B3GALT1: variants seen among roughly 807,000 people sequenced by gnomAD.
B3GALT1 encodes UDP-Gal:betaGlcNAc beta 1,3-galactosyltransferase, polypeptide 1.
A neutral mutation model predicts 23.2 loss-of-function variants in B3GALT1; 10 were observed. The observed-to-expected ratio is 0.43, with a 90% CI of 0.27 to 0.73. The LOEUF (loss-of-function observed/expected upper bound fraction) is 0.73, where lower values mean the gene tolerates loss of function less well. Among genes scored for constraint, B3GALT1 ranks in the 30% least tolerant of loss-of-function variants. B3GALT1 has a pLI of 0.21. For synonymous variants in B3GALT1, 156 were observed against 141.5 expected, an observed-to-expected ratio of 1.10 and a Z score of -0.73; for missense variants, 299 against 405.4, an observed-to-expected ratio of 0.74 and a Z score of 2.25.
At chr2:167,756,959 G>T (rs1240946778) in intron 3 of B3GALT1, among the ~76,000 whole-genome samples, 1 of 152,038 alleles carries the variant, frequency 6.6e-6, no homozygotes. Flanking sequence ...AATAGAGGGG[G>T]TTCTCAAGTC....
At chr2:167,618,906 G>A (rs1305267900) in intron 2 of B3GALT1, among the ~76,000 whole-genome samples, 2 of 151,690 alleles carry the variant, frequency 1.3e-5, no homozygotes, top group East Asian at 3.9e-4. Flanking sequence ...ATCATTTGAT[G>A]TAAGATTTTT....
intron 2 of B3GALT1, among the ~76,000 whole-genome samples, chr2:167,508,524 C>A (rs1243213030): frequency 6.6e-6 from 1 of 152,116 alleles, no homozygotes; most frequent in Non-Finnish European, 1.5e-5. Flanking sequence ...TCCCAAAGTG[C>A]TGGGATTACA....
At chr2:167,666,517 G>T (rs1311304300) in intron 3 of B3GALT1, among the ~76,000 whole-genome samples, 1 of 151,374 alleles carries the variant, frequency 6.6e-6, no homozygotes, top group Non-Finnish European at 1.5e-5. Flanking sequence ...TTGACTTTCT[G>T]TCTTGTTGAT....
intron 2 of B3GALT1, among the ~76,000 whole-genome samples, chr2:167,522,292 A>G (rs1448721170): frequency 1.3e-5 from 2 of 151,872 alleles, no homozygotes; most frequent in African/African-American, 4.8e-5. Flanking sequence ...AATATACAAA[A>G]TCTTCTCCAG....
intron 1 of B3GALT1, among the ~76,000 whole-genome samples, chr2:167,458,800 T>C (rs559394608): frequency 6.6e-6 from 1 of 151,180 alleles, no homozygotes; most frequent in African/African-American, 2.4e-5. Context: ...TTAAACCAGA[T>C]TTTTTTGTTG....
At chr2:167,307,922 C>T (rs1696574162) in intron 1 of B3GALT1, among the ~76,000 whole-genome samples, 1 of 151,856 alleles carries the variant, frequency 6.6e-6, no homozygotes, top group Non-Finnish European at 1.5e-5. Context: ...TTTTATTGTT[C>T]AATGTTGAGT....
chr2:167,805,807 G>T (rs1688740082), intron 3 of B3GALT1, among the ~76,000 whole-genome samples: 1 of 152,152 alleles, frequency 6.6e-6, no homozygotes, highest in African/African-American at 2.4e-5. Context: ...ACTTGGCAAT[G>T]CAGGCTCTTT....
At chr2:167,540,293 T>C (rs1485226205) in intron 2 of B3GALT1, among the ~76,000 whole-genome samples, 1 of 152,166 alleles carries the variant, frequency 6.6e-6, no homozygotes, top group Non-Finnish European at 1.5e-5. Flanking sequence ...GCCCTGCTAT[T>C]CAGAAAGTGG....
At chr2:167,700,092 T>A (rs1489067430) in intron 3 of B3GALT1, among the ~76,000 whole-genome samples, 2 of 152,174 alleles carry the variant, frequency 1.3e-5, no homozygotes, top group Non-Finnish European at 2.9e-5. Context: ...TACCAAAAAA[T>A]TTTAAAAATT....
Position 167,872,512 on chromosome 2 carries a change from G to C in B3GALT1, c.*2492G>C, listed in dbSNP as rs1420687189. 1 of 152,224 alleles carries C rather than the reference G, an allele frequency of 6.6e-6. No individual in the cohort carries two copies. Among genetic ancestry groups the C allele is most frequent in the Non-Finnish European group, 1.5e-5 (1 of 68,054 alleles). 9.4% of individuals were successfully genotyped at this position (152,224 alleles called of 1,614,324 possible). A position where few individuals can be genotyped will look rare whatever the true frequency, so the allele number is the denominator to read the frequency against. Reference sequence around the variant, plus strand: ...GCTGTGAGTTCCAATCACTGGGAAAGTCTCACGACTTCTTACTTGGTTTAC... The same window carrying C: ...GCTGTGAGTTCCAATCACTGGGAAACTCTCACGACTTCTTACTTGGTTTAC... On this transcript the variant is annotated 3_prime_UTR_variant, in exon 5 of 5. Transcript: ENST00000392690.
intron 2 of B3GALT1, among the ~76,000 whole-genome samples, chr2:167,560,001 A>T (rs532801044): frequency 4.8e-4 from 73 of 152,002 alleles, no homozygotes; most frequent in African/African-American, 1.3e-3. Flanking sequence ...GACACATAAT[A>T]GTCAGATTCA....
chr2:167,349,191 T>C (rs1301188807), intron 1 of B3GALT1, among the ~76,000 whole-genome samples: 1 of 152,296 alleles, frequency 6.6e-6, no homozygotes. Flanking sequence ...AATAAACTGT[T>C]CCTAAGTTTT....
intron 1 of B3GALT1, among the ~76,000 whole-genome samples, chr2:167,403,031 T>C (rs1199318027): frequency 6.6e-6 from 1 of 151,784 alleles, no homozygotes; most frequent in African/African-American, 2.4e-5. Flanking sequence ...TGTTTGTTTA[T>C]TTATTTTTAT....
At chr2:167,862,077 A>C (rs1433516573) in intron 4 of B3GALT1, among the ~76,000 whole-genome samples, 4 of 152,224 alleles carry the variant, frequency 2.6e-5, no homozygotes, top group Admixed American at 1.3e-4. Context: ...CCAAGACATA[A>C]GAAATCAGTG....
At chr2:167,746,689 A>G (rs2105281861) in intron 3 of B3GALT1, among the ~76,000 whole-genome samples, 1 of 152,322 alleles carries the variant, frequency 6.6e-6, no homozygotes, top group East Asian at 1.9e-4. Context: ...ACTTGTTTGT[A>G]AAAATTAGTA....
chr2:167,593,950 T>C (rs1429927570), intron 2 of B3GALT1, among the ~76,000 whole-genome samples: 2 of 152,276 alleles, frequency 1.3e-5, no homozygotes, highest in East Asian at 3.9e-4. Flanking sequence ...CACCCAAAAG[T>C]GAATTAAAAG....
chr2:167,594,373 TAAAG>T (rs1465608807), intron 2 of B3GALT1, among the ~76,000 whole-genome samples: 2 of 152,150 alleles, frequency 1.3e-5, no homozygotes, highest in African/African-American at 2.4e-5. Context: ...TTATTAAAAA[TAAAG>T]AAATAGTATT....
At chr2:167,661,348 A>G (rs1686057061) in intron 3 of B3GALT1, among the ~76,000 whole-genome samples, 1 of 152,032 alleles carries the variant, frequency 6.6e-6, no homozygotes, top group Admixed American at 6.6e-5. Context: ...TCTTTGGAAA[A>G]GCCCATTATG....
chr2:167,487,925 A>G (rs1175763377), intron 1 of B3GALT1, among the ~76,000 whole-genome samples: 1 of 152,124 alleles, frequency 6.6e-6, no homozygotes. Context: ...AAGTAGATGC[A>G]CCTGTCTTCC....
Sources: allele counts gnomAD v4.1 joint callset (sites outside exome capture counted in the v4.1 genomes callset), GRCh38; gene constraint gnomAD v4.1.1; transcripts MANE v1.5; gene names NCBI Gene and HGNC (gene_info 2026-07-23, HGNC 2026-07-21).